Variants in FAF2 observed in about 807,000 individuals in gnomAD.
FAF2 encodes Fas associated factor family member 2.
FAF2 carries 9 observed loss-of-function variants against 62.3 expected under a neutral mutation model. The ratio of observed to expected loss-of-function variants is 0.14; its 90% confidence interval spans 0.09 to 0.25. The LOEUF is 0.25. FAF2 is among the 10% of genes least tolerant of loss of function. The pLI, the probability that FAF2 is intolerant of heterozygous loss-of-function variation, is 1.00. For missense variants in FAF2, 368 were observed against 556.2 expected (o/e 0.66, Z 3.40); for synonymous variants, 202 against 198.0 (o/e 1.02, Z -0.17).
chr5:176,486,673 A>AT (rs5873535), intron 3 of FAF2, among the ~76,000 whole-genome samples, 184 bp downstream of exon 3: 2 of 151,240 alleles, frequency 1.3e-5, no homozygotes, highest in Non-Finnish European at 3.0e-5. Flanking sequence ...GAAACTACTC[A>AT]TTTTTTTTTT....
intron 1 of FAF2, among the ~76,000 whole-genome samples, chr5:176,475,297 T>A (rs1282943534): frequency 6.6e-6 from 1 of 151,898 alleles, no homozygotes; most frequent in Admixed American, 6.6e-5. Context: ...ACCCGGCTAA[T>A]TTTTTTTGTA....
At chr5:176,458,871 A>T (rs1212102756) in intron 1 of FAF2, among the ~76,000 whole-genome samples, 1 of 151,858 alleles carries the variant, frequency 6.6e-6, no homozygotes, top group Non-Finnish European at 1.5e-5. Flanking sequence ...ATTCCTTCTC[A>T]TGCCTCCCTT....
chr5:176,483,588 T>C (rs1161123767), intron 2 of FAF2, among the ~76,000 whole-genome samples: 1 of 152,214 alleles, frequency 6.6e-6, no homozygotes, highest in East Asian at 1.9e-4. Context: ...AGTTTGAAGC[T>C]AGTAATTGAG....
intron 1 of FAF2, among the ~76,000 whole-genome samples, chr5:176,468,190 A>G (rs1269384875): frequency 1.3e-5 from 2 of 152,190 alleles, no homozygotes; most frequent in African/African-American, 4.8e-5. Context: ...AACTAGAGAG[A>G]TATAAACAAA....
chr5:176,461,312 C>CTTTTTTTTT (rs60608969), intron 1 of FAF2, among the ~76,000 whole-genome samples: 3 of 70,732 alleles, frequency 4.2e-5, no homozygotes, highest in South Asian at 7.2e-4. Flanking sequence ...CTGTGCCCAG[C>CTTTTTTTTT]TTTTTTTTTT....
In FAF2 at chr5:176,494,784, T is replaced by C. The variant is rs1759035416; in HGVS notation, c.661+509T>C. Among the ~76,000 whole-genome samples the C allele has an allele frequency of 6.6e-6, 1 of 152,054 alleles. No homozygotes were observed. Among genetic ancestry groups the C allele is most frequent in the Non-Finnish European group, 1.5e-5 (1 of 67,992 alleles). On this transcript the variant is annotated intron_variant, in intron 7 of 10. Transcript: ENST00000261942. The surrounding 1 kb of genome is among the most constrained non-coding windows in gnomAD (Gnocchi z 4.0). ...GTAGCCTCAAACTCCTGGACTCAAGTGAGCAGCCCACCTCAGCCTCCCAAA... is the reference window on the plus strand; with the variant it reads ...GTAGCCTCAAACTCCTGGACTCAAGCGAGCAGCCCACCTCAGCCTCCCAAA...
chr5:176,506,218 A>T (rs1316298814), intron 10 of FAF2, among the ~76,000 whole-genome samples: 1 of 151,524 alleles, frequency 6.6e-6, no homozygotes, highest in Non-Finnish European at 1.5e-5. Flanking sequence ...AAAAAAAAAA[A>T]ACTGGATCCC....
intron 1 of FAF2, among the ~76,000 whole-genome samples, chr5:176,457,752 T>G (rs1351574805): frequency 6.6e-6 from 1 of 152,116 alleles, no homozygotes; most frequent in African/African-American, 2.4e-5. Context: ...GGCCTGTGTG[T>G]GGGCCTTGGA....
intron 1 of FAF2, among the ~76,000 whole-genome samples, chr5:176,454,625 G>T (rs1276494965): frequency 1.4e-5 from 2 of 144,250 alleles, no homozygotes; most frequent in Non-Finnish European, 3.0e-5. Context: ...AATAATACAT[G>T]CTTGTTGGAA....
In FAF2 at chr5:176,508,056, GA is replaced by G. The variant is rs1755715073; in HGVS notation, c.*1107del. The G allele has an allele frequency of 6.6e-6, 1 of 152,638 alleles. No homozygotes were observed. The highest frequency in any genetic ancestry group is 1.5e-5 in the Non-Finnish European group (1 of 68,050). 9.5% of individuals were successfully genotyped at this position (152,638 alleles called of 1,614,324 possible). A position where few individuals can be genotyped will look rare whatever the true frequency, so the allele number is the denominator to read the frequency against. On this transcript the variant is annotated 3_prime_UTR_variant, in exon 11 of 11. Coordinates refer to ENST00000261942, the MANE Select transcript of FAF2 (RefSeq NM_014613.3). ...AGTGGAAGTGTATTATTGTTTTAAG[GA>G]TAGAACCAGAGGCCTTGAAGGGAGC...
At chr5:176,477,147 G>A (rs1422232323) in intron 1 of FAF2, among the ~76,000 whole-genome samples, 3 of 112,664 alleles carry the variant, frequency 2.7e-5, no homozygotes, top group Non-Finnish European at 5.3e-5. Context: ...GGGTTTCACT[G>A]TGTTAGCCAG....
chr5:176,462,700 G>A (rs987566264), intron 1 of FAF2, among the ~76,000 whole-genome samples: 4 of 152,150 alleles, frequency 2.6e-5, no homozygotes, highest in Admixed American at 6.6e-5. Flanking sequence ...CAAGTTTTAA[G>A]ATTGAAAAGT....
rs1758760272 is a variant in FAF2 at position 176,479,837 on chromosome 5, C to T, written c.132+581C>T. 2.0e-5 allele frequency among the ~76,000 whole-genome samples: 3 copies of T among 152,242 alleles called. No individual in the cohort carries two copies. In the East Asian group the frequency reaches 5.8e-4, roughly 29 times the overall value. On this transcript the variant is annotated intron_variant, in intron 2 of 10. Coordinates refer to ENST00000261942, the MANE Select transcript of FAF2 (RefSeq NM_014613.3). ...TCAGCCCCCTGAGTAGCTGGGATTA[C>T]AGGCAGACACCACTGCACCCGGCTA...
chr5:176,500,128 C>G lies in FAF2; in HGVS notation c.1137C>G (p.His379Gln). ...PNDSRVERRF[H>Q]FSQSLTVIHD... is the part of the protein sequence containing the mutation. ...ATTCTCGAGTAGAGAGACGATTCCACTTTTCACAGTCTCTAACAGTAAGGA... is the reference window on the plus strand; with the variant it reads ...ATTCTCGAGTAGAGAGACGATTCCAGTTTTCACAGTCTCTAACAGTAAGGA... Residue 379 changes from histidine (H) to glutamine (Q), a missense_variant, in exon 10 of 11, where the codon CAC becomes CAG. Physicochemically the swap from His to Gln is conservative, Grantham distance 24. Around this residue, in one of 2 missense-constraint regions of FAF2, gnomAD observed 37 missense variants for 114.3 expected, o/e 0.32. Transcript: ENST00000261942. 13 of 1,614,140 alleles carry G rather than the reference C, an allele frequency of 8.1e-6. No homozygotes were observed. The highest frequency in any genetic ancestry group is 1.1e-5 in the Non-Finnish European group (13 of 1,179,988).
chr5:176,483,677 C>T (rs1457564286), intron 2 of FAF2, among the ~76,000 whole-genome samples: 1 of 152,162 alleles, frequency 6.6e-6, no homozygotes, highest in Non-Finnish European at 1.5e-5. Flanking sequence ...GCAAAACCGT[C>T]TTCAGATTTG....
At chr5:176,499,146 G>T in intron 9 of FAF2, 61 bp downstream of exon 9, 1 of 1,451,462 alleles carries the variant, frequency 6.9e-7, no homozygotes, top group South Asian at 1.4e-5. Flanking sequence ...TGCCATCTTG[G>T]TCTTAAGTGT....
Position 176,486,410 on chromosome 5 carries a change from C to G in FAF2, c.188C>G (p.Pro63Arg), listed in dbSNP as rs756015233. 3 of 1,614,144 alleles carry G rather than the reference C, an allele frequency of 1.9e-6. No individual in the cohort carries two copies. Among genetic ancestry groups the G allele is most frequent in the Non-Finnish European group, 2.5e-6 (3 of 1,179,998 alleles). Residue 63 changes from proline to arginine, a missense_variant, in exon 3 of 11, where the codon CCA becomes CGA. Around this residue, in one of 2 missense-constraint regions of FAF2, gnomAD observed 331 missense variants for 441.9 expected, o/e 0.75. Coordinates refer to ENST00000261942, the MANE Select transcript of FAF2 (RefSeq NM_014613.3). ...GAGGGCGTACCTAGTGTTTTCAACC[C>G]ACCTCCATCACGACCCCTGCAGGTT... is the stretch of plus-strand genomic sequence containing the variant. ...EQEGVPSVFN[P>R]PPSRPLQVNT...
chr5:176,457,274 T>C (rs114916621), intron 1 of FAF2, among the ~76,000 whole-genome samples: 2 of 152,232 alleles, frequency 1.3e-5, no homozygotes, highest in African/African-American at 2.4e-5. Flanking sequence ...CTACAACCTT[T>C]GTCTCCCAGG....
intron 2 of FAF2, among the ~76,000 whole-genome samples, chr5:176,483,894 G>A (rs571214315): frequency 1.3e-5 from 2 of 152,192 alleles, no homozygotes; most frequent in Non-Finnish European, 1.5e-5. Flanking sequence ...GGCCAACATC[G>A]TGAAACCCCA....
Sources: gnomAD v4.1 joint callset for allele counts (sites outside exome capture counted in the v4.1 genomes callset) on GRCh38, gnomAD v4.1.1 for gene constraint, gnomAD v4.1.1 regional missense constraint, Gnocchi (gnomAD v3.1) non-coding constraint, MANE v1.5 for transcripts, NCBI Gene and HGNC (gene_info 2026-07-23, HGNC 2026-07-21) for gene names.